RAD54L: variants seen among roughly 807,000 people sequenced by gnomAD.
RAD54L encodes RAD54 like, also known as DNA repair and recombination protein RAD54-like.
In RAD54L, 74 loss-of-function variants were observed where a neutral mutation model predicts 91.6. The ratio of observed to expected loss-of-function variants is 0.81; its 90% CI spans 0.67 to 0.98. RAD54L has a LOEUF of 0.98. Ranked by LOEUF, RAD54L falls within the 50% of genes least tolerant of loss-of-function variation. RAD54L has a pLI of 0.00. For missense variants in RAD54L, 887 were observed against 945.7 expected (o/e 0.94, Z 0.81); for synonymous variants, 304 against 349.7 (o/e 0.87, Z 1.46).
At chr1:46,249,142 C>T (rs1659733750) in intron 2 of RAD54L, among the ~76,000 whole-genome samples, 1 of 152,140 alleles carries the variant, frequency 6.6e-6, no homozygotes, top group Non-Finnish European at 1.5e-5. Flanking sequence ...ATAAATAGGA[C>T]AGTGCAGCAT....
intron 8 of RAD54L, among the ~76,000 whole-genome samples, chr1:46,267,231 T>C (rs1266772382): frequency 6.6e-6 from 1 of 152,128 alleles, no homozygotes; most frequent in Non-Finnish European, 1.5e-5. Context: ...GCCCAGCTAA[T>C]TTTTGTATGT....
At position 46,263,874 on chromosome 1, in the gene RAD54L, C is replaced by T. The variant is rs1396840722; in HGVS notation, c.891+2489C>T. On this transcript the variant is annotated intron_variant, in intron 8 of 17. Transcript: ENST00000371975. This position sits in a 1 kb window ranked among gnomAD's most constrained non-coding sequence, Gnocchi z 4.3. ...GTGCAGTGACGTGATCTTGGCTCAC[C>T]GCAACCTCTGCCTCCCATATTTAAG... is the stretch of plus-strand genomic sequence containing the variant. Among the ~76,000 whole-genome samples the T allele has an allele frequency of 6.6e-6, 1 of 152,096 alleles. No individual in the cohort carries two copies. Among genetic ancestry groups the T allele is most frequent in the East Asian group, 1.9e-4 (1 of 5,182 alleles).
At chr1:46,272,851 G>T in intron 12 of RAD54L, 49 bp downstream of exon 12, 1 of 1,611,638 alleles carries the variant, frequency 6.2e-7, no homozygotes. Flanking sequence ...GAGCAAGGGA[G>T]GGTAGGTTCC....
chr1:46,248,695 C>A, intron 2 of RAD54L, 97 bp downstream of exon 2: 4 of 1,049,790 alleles, frequency 3.8e-6, no homozygotes, highest in South Asian at 2.7e-5. Context: ...ATTCCAGATG[C>A]CTCTTTTGTA....
At chr1:46,275,400 G>C (rs904825080) in intron 16 of RAD54L, among the ~76,000 whole-genome samples, 1 of 152,080 alleles carries the variant, frequency 6.6e-6, no homozygotes, top group African/African-American at 2.4e-5. Flanking sequence ...TCACATACCT[G>C]CTGTATCTGC....
intron 8 of RAD54L, among the ~76,000 whole-genome samples, chr1:46,266,096 G>A (rs1453450368): frequency 1.3e-5 from 2 of 152,208 alleles, no homozygotes; most frequent in Non-Finnish European, 2.9e-5. Context: ...CTTTGCATAG[G>A]AGGTGACATC....
chr1:46,248,061 C>G lies in RAD54L; in HGVS notation c.-345C>G, dbSNP rs1659696042. On this transcript the variant is annotated 5_prime_UTR_variant, in exon 1 of 18. Transcript: ENST00000371975. ...CCACCCCGCCCCGCCGCGCAACTAC[C>G]TCCTCCCTTCACCCGGACTGGGACC... 3.0e-6 allele frequency: 1 copy of G among 334,252 alleles called. No individual in the cohort carries two copies. The allele number at this position is 334,252 out of a possible 1,614,324, so 20.7% of individuals were successfully genotyped here.
rs1660106546 is a variant in RAD54L at position 46,261,126 on chromosome 1, A to G, written c.766+111A>G. The stretch of plus-strand genomic sequence containing the variant: ...GGGCAATGCAGGGGTAGAAGAAAAG[A>G]GAATTTCCATTGAAAATAGTTGAAG... On this transcript the variant is annotated intron_variant, in intron 7 of 17. Transcript: ENST00000371975. 4 of 1,541,794 alleles carry G rather than the reference A, an allele frequency of 2.6e-6. No homozygotes were observed. The Admixed American group carries it at 5.6e-5, about 22-fold the overall frequency.
intron 14 of RAD54L, 36 bp downstream of exon 14, chr1:46,273,783 T>C: frequency 1.3e-6 from 2 of 1,574,338 alleles, no homozygotes; most frequent in Non-Finnish European, 1.7e-6. Flanking sequence ...CAAAGGGGGA[T>C]ATACCCCTCC....
intron 16 of RAD54L, 91 bp from the exon 17 acceptor site, chr1:46,277,726 T>A (rs775591189): frequency 7.1e-7 from 1 of 1,407,658 alleles, no homozygotes. Flanking sequence ...CTCGGGTAGC[T>A]GTAGTTTCAA....
chr1:46,266,263 G>A (rs1557704274), intron 8 of RAD54L, among the ~76,000 whole-genome samples: 1 of 152,182 alleles, frequency 6.6e-6, no homozygotes, highest in Non-Finnish European at 1.5e-5. Context: ...CATTGAGAAG[G>A]GCTTTGAATG....
At chr1:46,256,612 C>T (rs914002274) in intron 3 of RAD54L, among the ~76,000 whole-genome samples, 13 of 148,700 alleles carry the variant, frequency 8.7e-5, no homozygotes, top group African/African-American at 1.3e-4. Context: ...CCAGCCTGGG[C>T]GACAAAATGA....
chr1:46,278,186 G>C lies in RAD54L; in HGVS notation c.2148G>C (p.Arg716=). 6.2e-7 allele frequency: 1 copy of C among 1,613,814 alleles called. No homozygotes were observed. The highest frequency in any genetic ancestry group is 8.5e-7 in the Non-Finnish European group (1 of 1,179,932). Residue 716 remains arginine (R), a synonymous_variant, in exon 18 of 18, where the codon CGG becomes CGC. Transcript: ENST00000371975. Reference sequence around the variant, plus strand: ...ACTGCACTGATAAGTGGGGGCTCCGGGATGAGGTACTCCAGGCTGCCTGGG... The same window carrying C: ...ACTGCACTGATAAGTGGGGGCTCCGCGATGAGGTACTCCAGGCTGCCTGGG... ...WNHCTDKWGL[R]DEVLQAAWDA...
chr1:46,254,731 C>T (rs932275468), intron 3 of RAD54L, among the ~76,000 whole-genome samples: 5 of 151,928 alleles, frequency 3.3e-5, no homozygotes, highest in African/African-American at 7.3e-5. Context: ...GGACCACAGG[C>T]GTGTGCCACC....
chr1:46,262,066 G>C (rs1357196470), intron 8 of RAD54L, among the ~76,000 whole-genome samples: 1 of 151,790 alleles, frequency 6.6e-6, no homozygotes, highest in Non-Finnish European at 1.5e-5. Flanking sequence ...GAAGTAAGCT[G>C]AGATTGCGCC....
chr1:46,270,366 A>G (rs1002276370), intron 9 of RAD54L, among the ~76,000 whole-genome samples: 1 of 152,120 alleles, frequency 6.6e-6, no homozygotes, highest in African/African-American at 2.4e-5. Flanking sequence ...ATTGCAGGAA[A>G]AAAAAAAAAT....
chr1:46,258,199 A>G (rs1165201735), intron 3 of RAD54L, among the ~76,000 whole-genome samples: 1 of 151,764 alleles, frequency 6.6e-6, no homozygotes, highest in African/African-American at 2.4e-5. Context: ...ATATTATTTT[A>G]TTAATACGAT....
In RAD54L at chr1:46,274,422, G is replaced by T. The variant is rs1660534104; in HGVS notation, c.1690-116G>T. On this transcript the variant is annotated intron_variant, in intron 15 of 17. Coordinates refer to ENST00000371975, the MANE Select transcript of RAD54L (RefSeq NM_003579.4). ...TGGCTGGTGAGCAGATAAACTGGTG[G>T]TTTTCACAATTGGTACTGAGTAGTA... 2.9e-6 allele frequency: 4 copies of T among 1,368,920 alleles called. No homozygotes were observed. The South Asian group carries it at 3.5e-5, about 12-fold the overall frequency. 84.8% of individuals were successfully genotyped at this position (1,368,920 alleles called of 1,614,324 possible). A position where few individuals can be genotyped will look rare whatever the true frequency, so the allele number is the denominator to read the frequency against.
rs1436052041 is a variant in RAD54L, at chr1:46,270,642, TTC to T, written c.1043-12_1043-11del. The T allele has an allele frequency of 6.2e-7, 1 of 1,612,574 alleles. No individual in the cohort carries two copies. Among genetic ancestry groups the T allele is most frequent in the Non-Finnish European group, 8.5e-7 (1 of 1,179,912 alleles). On this transcript the variant is annotated splice_polypyrimidine_tract_variant and intron_variant, in intron 9 of 17. Coordinates refer to ENST00000371975, the MANE Select transcript of RAD54L (RefSeq NM_003579.4). The stretch of plus-strand genomic sequence containing the variant: ...CCTTTTCCACATTCTTCTGTTTTCC[TTC>T]TCTCCTGTGTTTAGGGACTGCCCAT...
Sources: gnomAD v4.1 joint callset for allele counts (sites outside exome capture counted in the v4.1 genomes callset) on GRCh38, gnomAD v4.1.1 for gene constraint, Gnocchi (gnomAD v3.1) non-coding constraint, MANE v1.5 for transcripts, NCBI Gene and HGNC (gene_info 2026-07-23, HGNC 2026-07-21) for gene names.